Variants in CFAP418 observed in about 807,000 individuals in gnomAD.
CFAP418 encodes the protein cilia and flagella associated protein 418.
In CFAP418, 27 loss-of-function variants were observed where a neutral mutation model predicts 24.7. The ratio of observed to expected loss-of-function variants is 1.09; its 90% CI spans 0.81 to 1.51. CFAP418 has a LOEUF of 1.51. CFAP418 is among the 40% of genes most tolerant of loss of function. The pLI is 0.00. For missense variants in CFAP418, 257 were observed against 255.2 expected (o/e 1.01, Z -0.05); for synonymous variants, 74 against 87.3 (o/e 0.85, Z 0.85).
At chr8:95,258,049 G>A (rs1587353827) in intron 4 of CFAP418, among the ~76,000 whole-genome samples, 1 of 152,158 alleles carries the variant, frequency 6.6e-6, no homozygotes, top group Non-Finnish European at 1.5e-5. Flanking sequence ...CCAGGCTAAT[G>A]TGAGTGTTGT....
At position 95,254,877 on chromosome 8, in the gene CFAP418, T is replaced by C. The variant is rs551472340; in HGVS notation, c.375-2594A>G. ...TGGATCCTTGCTTTGCAATAACTGA[T>C]ATGACCTTGAGCAAGGCACCTTATT... is the stretch of plus-strand genomic sequence containing the variant. On this transcript the variant is annotated intron_variant, in intron 4 of 5. Transcript: ENST00000286688. 5.9e-5 allele frequency among the ~76,000 whole-genome samples: 9 copies of C among 152,384 alleles called. No homozygotes were observed. The South Asian group carries it at 6.2e-4, about 11-fold the overall frequency.
Position 95,259,858 on chromosome 8 carries a change from C to T in CFAP418, c.356G>A (p.Gly119Glu). The change falls in exon 4 of 6, where the codon GGA (glycine) becomes GAA (glutamate). Residue 119 changes from glycine to glutamate, a missense_variant. Gly to Glu is a moderately conservative substitution (Grantham distance 98, BLOSUM62 -2). Coordinates refer to ENST00000286688, the MANE Select transcript of CFAP418 (RefSeq NM_177965.4). ...AACCTACCTCCATGAAATATTTGTTCCAATCCCACATGGAATAGAGCTTCC... is the reference window on the plus strand; with the variant it reads ...AACCTACCTCCATGAAATATTTGTTTCAATCCCACATGGAATAGAGCTTCC... ...LGGSSIPCGI[G>E]TNISWRACDH... 1 of 1,609,394 alleles carries T rather than the reference C, an allele frequency of 6.2e-7. No individual in the cohort carries two copies. The highest frequency in any genetic ancestry group is 8.5e-7 in the Non-Finnish European group (1 of 1,178,658).
At chr8:95,252,627 A>C (rs1187353953) in intron 4 of CFAP418, among the ~76,000 whole-genome samples, 3 of 152,206 alleles carry the variant, frequency 2.0e-5, no homozygotes, top group Admixed American at 2.0e-4. Context: ...TAACTTCTTT[A>C]AATGCTCCCC....
chr8:95,266,353 C>A (rs568014628), intron 1 of CFAP418, among the ~76,000 whole-genome samples: 1 of 152,132 alleles, frequency 6.6e-6, no homozygotes, highest in Non-Finnish European at 1.5e-5. Flanking sequence ...TTACTAATCA[C>A]ATATTTCTTT....
chr8:95,267,273 C>T lies in CFAP418; in HGVS notation c.155+1762G>A, dbSNP rs528209012. Among the ~76,000 whole-genome samples, 143 of 152,222 alleles carry T rather than the reference C, an allele frequency of 9.4e-4. 1 individual carries two copies. Among genetic ancestry groups the T allele is most frequent in the Non-Finnish European group, 1.7e-3 (117 of 68,008 alleles). ...TTTATGTACTCCTTTAGAATTTTTT[C>T]GATGCTTTTATCTTCGCAGAGTGAA... On this transcript the variant is annotated intron_variant, in intron 1 of 5. Coordinates refer to ENST00000286688, the MANE Select transcript of CFAP418 (RefSeq NM_177965.4).
intron 3 of CFAP418, 73 bp downstream of exon 3, chr8:95,260,395 C>T: frequency 8.6e-7 from 1 of 1,157,502 alleles, no homozygotes; most frequent in Non-Finnish European, 1.2e-6. Flanking sequence ...TAAATGGTAA[C>T]AAAATCTACT....
intron 4 of CFAP418, among the ~76,000 whole-genome samples, chr8:95,255,865 T>C (rs1811778935): frequency 1.3e-5 from 2 of 152,254 alleles, no homozygotes; most frequent in South Asian, 4.1e-4. Context: ...AATTTGCATA[T>C]GCAGATGAAC....
At chr8:95,261,602 T>C (rs1811893214) in intron 2 of CFAP418, among the ~76,000 whole-genome samples, 1 of 152,202 alleles carries the variant, frequency 6.6e-6, no homozygotes, top group South Asian at 2.1e-4. Context: ...CTATGTTTCT[T>C]TTGTTAATAC....
At chr8:95,256,256 G>C (rs1248855198) in intron 4 of CFAP418, among the ~76,000 whole-genome samples, 1 of 152,072 alleles carries the variant, frequency 6.6e-6, no homozygotes, top group Non-Finnish European at 1.5e-5. Flanking sequence ...AAAACAGAAG[G>C]CACCTGTAAT....
At chr8:95,258,381 C>CAAAAAAAAAAA (rs61473559) in intron 4 of CFAP418, among the ~76,000 whole-genome samples, 1 of 49,656 alleles carries the variant, frequency 2.0e-5, no homozygotes, top group Non-Finnish European at 4.0e-5. Flanking sequence ...GACTCTGTCT[C>CAAAAAAAAAAA]AAAAAAAAAA....
At chr8:95,255,100 T>G (rs140321877) in intron 4 of CFAP418, among the ~76,000 whole-genome samples, 1 of 152,312 alleles carries the variant, frequency 6.6e-6, no homozygotes, top group Non-Finnish European at 1.5e-5. Flanking sequence ...TCCTTTCCTG[T>G]CTTGCCCCTC....
Position 95,247,301 on chromosome 8 carries a change from CA to C in CFAP418, c.*315del, listed in dbSNP as rs1160466349. On this transcript the variant is annotated 3_prime_UTR_variant, in exon 6 of 6. Coordinates refer to ENST00000286688, the MANE Select transcript of CFAP418 (RefSeq NM_177965.4). ...CTAAACGTATTAGCAATCAATATTG[CA>C]GTTGCTAATGAAAAACTAGATATTT... 6.9e-6 allele frequency: 2 copies of C among 290,546 alleles called. No individual in the cohort carries two copies. Among genetic ancestry groups the C allele is most frequent in the African/African-American group, 2.2e-5 (1 of 44,914 alleles). 18.0% of individuals were successfully genotyped at this position (290,546 alleles called of 1,614,324 possible).
intron 4 of CFAP418, among the ~76,000 whole-genome samples, chr8:95,254,202 G>C (rs1811752060): frequency 6.6e-6 from 1 of 152,178 alleles, no homozygotes; most frequent in African/African-American, 2.4e-5. Flanking sequence ...CGATTGGCTT[G>C]AAAATGCCTT....
intron 5 of CFAP418, among the ~76,000 whole-genome samples, chr8:95,251,094 G>T (rs1702964862): frequency 6.6e-6 from 1 of 152,150 alleles, no homozygotes; most frequent in Non-Finnish European, 1.5e-5. Flanking sequence ...TAGGTATTCT[G>T]TAAGTGTATA....
chr8:95,256,013 A>T (rs1007740445), intron 4 of CFAP418, among the ~76,000 whole-genome samples: 1 of 152,226 alleles, frequency 6.6e-6, no homozygotes, highest in Non-Finnish European at 1.5e-5. Context: ...GGAGGTAGAA[A>T]TCAGGTATAA....
chr8:95,258,381 CAAAA>C (rs61473559), intron 4 of CFAP418, among the ~76,000 whole-genome samples: 11 of 49,660 alleles, frequency 2.2e-4, no homozygotes, highest in African/African-American at 8.0e-4. Context: ...GACTCTGTCT[CAAAA>C]AAAAAAAAAA....
chr8:95,268,947 G>A lies in CFAP418; in HGVS notation c.155+88C>T, dbSNP rs1812085204. 7 of 1,440,344 alleles carry A rather than the reference G, an allele frequency of 4.9e-6. No homozygotes were observed. The South Asian group carries it at 7.7e-5, about 16-fold the overall frequency. The allele number at this position is 1,440,344 out of a possible 1,614,324, so 89.2% of individuals were successfully genotyped here. On this transcript the variant is annotated intron_variant, in intron 1 of 5. Coordinates refer to ENST00000286688, the MANE Select transcript of CFAP418 (RefSeq NM_177965.4). ...AGGAGGGGCTGGAGGTCGCGGGCACGTTTCTTTTGGGTTGGGCGGCGGAGG... is the reference window on the plus strand; with the variant it reads ...AGGAGGGGCTGGAGGTCGCGGGCACATTTCTTTTGGGTTGGGCGGCGGAGG...
intron 2 of CFAP418, 29 bp from the exon 3 acceptor site, chr8:95,260,561 C>T: frequency 7.2e-7 from 1 of 1,395,412 alleles, no homozygotes; most frequent in Non-Finnish European, 9.9e-7. Context: ...AATAAAAGGC[C>T]ATGAGTAACT....
At chr8:95,266,782 G>A (rs1811987736) in intron 1 of CFAP418, among the ~76,000 whole-genome samples, 1 of 152,128 alleles carries the variant, frequency 6.6e-6, no homozygotes, top group African/African-American at 2.4e-5. Context: ...ATGTTACTTA[G>A]TACTAAAAAA....
Sources: gnomAD v4.1 joint callset for allele counts (sites outside exome capture counted in the v4.1 genomes callset) on GRCh38, gnomAD v4.1.1 for gene constraint, MANE v1.5 for transcripts, NCBI Gene and HGNC (gene_info 2026-07-23, HGNC 2026-07-21) for gene names.